The following NRF1 variants were observed in gnomAD, a reference collection of about 807,000 sequenced individuals.
NRF1 encodes alpha palindromic-binding protein.
A neutral mutation model predicts 58.5 loss-of-function variants in NRF1; 5 were observed. The ratio of observed to expected loss-of-function variants is 0.09; its 90% CI spans 0.04 to 0.18. The LOEUF (loss-of-function observed/expected upper bound fraction) is 0.18. NRF1 is among the 10% of genes least tolerant of loss of function. The pLI, the probability that NRF1 is intolerant of heterozygous loss-of-function variation, is 1.00. For missense variants in NRF1, 288 were observed against 657.7 expected, an observed-to-expected ratio of 0.44 and a Z score of 6.15; for synonymous variants, 224 against 246.7, an observed-to-expected ratio of 0.91 and a Z score of 0.86.
intron 5 of NRF1, among the ~76,000 whole-genome samples, chr7:129,694,239 C>A (rs1562972863): frequency 6.6e-6 from 1 of 152,240 alleles, no homozygotes; most frequent in Non-Finnish European, 1.5e-5. Flanking sequence ...AAAAACCCAG[C>A]TCCCAATTGA....
chr7:129,634,029 TA>T (rs34010272), intron 1 of NRF1, among the ~76,000 whole-genome samples: 4,563 of 110,576 alleles, frequency 0.041, 109 homozygotes, highest in South Asian at 0.073. Context: ...CATCTGTATT[TA>T]AAAAAAAAAA....
chr7:129,678,595 T>C (rs1802237315), intron 4 of NRF1, among the ~76,000 whole-genome samples: 1 of 152,190 alleles, frequency 6.6e-6, no homozygotes, highest in Non-Finnish European at 1.5e-5. Context: ...CAAAAATTCC[T>C]GAAGCCCTAC....
chr7:129,625,578 G>T (rs776251926), intron 1 of NRF1, among the ~76,000 whole-genome samples: 2 of 151,460 alleles, frequency 1.3e-5, no homozygotes, highest in Non-Finnish European at 2.9e-5. Context: ...ATGGCTCACT[G>T]TTGCCTTAAA....
chr7:129,639,601 A>G (rs533818789), intron 1 of NRF1, among the ~76,000 whole-genome samples: 19 of 145,514 alleles, frequency 1.3e-4, no homozygotes, highest in Non-Finnish European at 1.6e-4. Context: ...GCTGCAGTGC[A>G]GTGGCATGAT....
intron 1 of NRF1, among the ~76,000 whole-genome samples, chr7:129,641,077 A>G (rs1365431690): frequency 1.3e-5 from 2 of 152,198 alleles, no homozygotes; most frequent in South Asian, 4.1e-4. Context: ...CAGTCCTACT[A>G]TCCAGAGACA....
At chr7:129,672,647 A>G (rs974144151) in intron 3 of NRF1, among the ~76,000 whole-genome samples, 4 of 152,188 alleles carry the variant, frequency 2.6e-5, no homozygotes, top group Admixed American at 2.0e-4. Flanking sequence ...ATTCATTGAC[A>G]TGGAGTTTGA....
intron 6 of NRF1, among the ~76,000 whole-genome samples, chr7:129,710,018 C>T (rs553137243): frequency 6.6e-6 from 1 of 152,128 alleles, no homozygotes; most frequent in Non-Finnish European, 1.5e-5. Flanking sequence ...GCGTGAGCCA[C>T]CATGCCTGGC....
In NRF1 at chr7:129,619,490, GTA is replaced by G. The variant is rs67190499; in HGVS notation, c.-7+7688_-7+7689del. Among the ~76,000 whole-genome samples, 124 of 48,582 alleles carry G rather than the reference GTA, an allele frequency of 2.6e-3. 1 individual carries two copies. Among genetic ancestry groups the G allele is most frequent in the African/African-American group, 9.2e-3 (92 of 9,970 alleles). The allele number at this position is 48,582 out of a possible 152,430, so 31.9% of individuals were successfully genotyped here. A position where few individuals can be genotyped will look rare whatever the true frequency, so the allele number is the denominator to read the frequency against. ...TGTGTGTGTGTGTGTGTGTGTGTGT[GTA>G]TATATATATATATATATATATGTAT... On this transcript the variant is annotated intron_variant, in intron 1 of 10. Transcript: ENST00000393232.
At chr7:129,646,190 A>C (rs910790681) in intron 1 of NRF1, among the ~76,000 whole-genome samples, 2 of 152,224 alleles carry the variant, frequency 1.3e-5, no homozygotes, top group African/African-American at 4.8e-5. Flanking sequence ...TTAATGATTC[A>C]TTAAATTTGA....
At chr7:129,652,905 C>A (rs958328212) in intron 1 of NRF1, among the ~76,000 whole-genome samples, 1 of 152,178 alleles carries the variant, frequency 6.6e-6, no homozygotes, top group African/African-American at 2.4e-5. Context: ...TTAGTCACTT[C>A]TTTGCACAGA....
chr7:129,716,473 T>TA (rs1803191899), intron 8 of NRF1, among the ~76,000 whole-genome samples: 1 of 152,174 alleles, frequency 6.6e-6, no homozygotes, highest in Non-Finnish European at 1.5e-5. Flanking sequence ...TAAACTTTAT[T>TA]ATGTATTTAT....
chr7:129,648,652 C>G (rs779090147), intron 1 of NRF1, among the ~76,000 whole-genome samples: 31 of 151,994 alleles, frequency 2.0e-4, no homozygotes, highest in Non-Finnish European at 3.8e-4. Context: ...TTGATAGTTA[C>G]ATTGTAATAC....
intron 1 of NRF1, among the ~76,000 whole-genome samples, chr7:129,626,497 T>C (rs992800778): frequency 6.6e-6 from 1 of 152,234 alleles, no homozygotes; most frequent in Non-Finnish European, 1.5e-5. Context: ...ATTGAACTTA[T>C]ATTGGATAAA....
chr7:129,692,810 G>C (rs748166035), intron 5 of NRF1, among the ~76,000 whole-genome samples: 12 of 152,094 alleles, frequency 7.9e-5, no homozygotes, highest in Admixed American at 2.0e-4. Context: ...TGCTTTTGCT[G>C]TTCCCTTTGC....
At chr7:129,622,524 A>T (rs111470459) in intron 1 of NRF1, among the ~76,000 whole-genome samples, 3,179 of 152,004 alleles carry the variant, frequency 0.021, 118 homozygotes, top group African/African-American at 0.074. Flanking sequence ...TACAATGCAA[A>T]GATACTTTAA....
intron 1 of NRF1, among the ~76,000 whole-genome samples, chr7:129,624,319 A>G (rs964324171): frequency 2.0e-5 from 3 of 152,174 alleles, no homozygotes; most frequent in Admixed American, 6.5e-5. Context: ...GTTCCACCAG[A>G]TTGTAAGCTT....
At position 129,722,393 on chromosome 7, in the gene NRF1, G is replaced by GAAA. The variant is rs113582154; in HGVS notation, c.1224-4834_1224-4832dup. Among the ~76,000 whole-genome samples the GAAA allele has an allele frequency of 5.0e-3, 653 of 129,986 alleles. 4 individuals are homozygous for GAAA. The highest frequency in any genetic ancestry group is 7.9e-3 in the Middle Eastern group (2 of 254). 85.3% of individuals were successfully genotyped at this position (129,986 alleles called of 152,430 possible). ...GCCACAAGAGCGAAACTCCGTCTCA[G>GAAA]AAAAAAAAAAAAAAAATCTTTCTAG... On this transcript the variant is annotated intron_variant, in intron 9 of 10. Coordinates refer to ENST00000393232, the MANE Select transcript of NRF1 (RefSeq NM_005011.5).
chr7:129,686,067 A>G (rs1461935966), intron 4 of NRF1, among the ~76,000 whole-genome samples: 3 of 146,424 alleles, frequency 2.0e-5, no homozygotes, highest in Non-Finnish European at 4.5e-5. Flanking sequence ...ACACCACTGC[A>G]CTCCAGCCTA....
At chr7:129,623,371 A>G (rs1800845836) in intron 1 of NRF1, among the ~76,000 whole-genome samples, 1 of 59,854 alleles carries the variant, frequency 1.7e-5, no homozygotes, top group African/African-American at 5.9e-5. Flanking sequence ...AGTAGTGTTA[A>G]AAATACCTGT....
Sources: gnomAD v4.1 joint callset for allele counts (sites outside exome capture counted in the v4.1 genomes callset) on GRCh38, gnomAD v4.1.1 for gene constraint, MANE v1.5 for transcripts, NCBI Gene and HGNC (gene_info 2026-07-23, HGNC 2026-07-21) for gene names.